The following AMMECR1 variants were observed in gnomAD, a reference collection of about 807,000 sequenced individuals.
AMMECR1 encodes the protein nuclear protein AMMECR1.
AMMECR1 carries 3 observed loss-of-function variants against 22.5 expected under a neutral mutation model. That is an observed-to-expected ratio of 0.13 (90% CI 0.06 to 0.35). The LOEUF is 0.35. Ranked by LOEUF, AMMECR1 falls within the 10% of genes least tolerant of loss-of-function variation. The pLI is 1.00. For synonymous variants in AMMECR1, 130 were observed against 116.7 expected, an observed-to-expected ratio of 1.11 and a Z score of -0.74; for missense variants, 235 against 278.7, an observed-to-expected ratio of 0.84 and a Z score of 1.12.
chrX:110,200,728 A>G (rs752582013), intron 5 of AMMECR1, among the ~76,000 whole-genome samples: 5 of 112,347 alleles, frequency 4.5e-5, no homozygotes, highest in Non-Finnish European at 9.4e-5. Flanking sequence ...CAAAAGCCAG[A>G]GTAATCACAC....
rs1043249584 is a variant in AMMECR1 at position 110,405,090 on chromosome X, C to T, written c.-148+21568G>A. Among the ~76,000 whole-genome samples the T allele has an allele frequency of 1.0e-4, 6 of 60,266 alleles. 1 individual carries two copies. In the African/African-American group the frequency reaches 1.0e-3, roughly 10 times the overall value. The allele number at this position is 60,266 out of a possible 115,157, so 52.3% of individuals were successfully genotyped here. A position where few individuals can be genotyped will look rare whatever the true frequency, so the allele number is the denominator to read the frequency against. On this transcript the variant is annotated intron_variant, in intron 2 of 7. Transcript: ENST00000372057. ...TATATTCAGGTGTGCTTGTTGTGTC[C>T]CCCCCCCCCCCAAGCATGAGTCAGA...
chrX:110,232,807 G>A (rs1467283465), intron 2 of AMMECR1, among the ~76,000 whole-genome samples: 22 of 102,580 alleles, frequency 2.1e-4, no homozygotes, highest in African/African-American at 6.5e-4. Context: ...GGAGAATGGC[G>A]TGAACCCGGG....
chrX:110,348,353 T>A (rs1326133204), intron 2 of AMMECR1, among the ~76,000 whole-genome samples: 1 of 112,506 alleles, frequency 8.9e-6, no homozygotes, highest in Non-Finnish European at 1.9e-5. Context: ...TTTTTCCTTC[T>A]GACCTATCTA....
At chrX:110,203,623 G>C (rs1444320705) in intron 3 of AMMECR1, among the ~76,000 whole-genome samples, 1 of 111,294 alleles carries the variant, frequency 9.0e-6, no homozygotes, top group African/African-American at 3.3e-5. Context: ...TGTAAGACCA[G>C]GTAAACATTA....
intron 2 of AMMECR1, among the ~76,000 whole-genome samples, chrX:110,224,357 C>G (rs898362302): frequency 1.8e-5 from 2 of 110,845 alleles, no homozygotes; most frequent in Non-Finnish European, 3.8e-5. Flanking sequence ...GAATAGATTA[C>G]TAAATAATAT....
intron 2 of AMMECR1, among the ~76,000 whole-genome samples, chrX:110,375,919 T>C (rs1165783466): frequency 9.0e-6 from 1 of 111,540 alleles, no homozygotes; most frequent in East Asian, 2.8e-4. Flanking sequence ...AGGGCTAATA[T>C]TGATGTCAGT....
intron 2 of AMMECR1, among the ~76,000 whole-genome samples, chrX:110,367,691 A>G (rs898610695): frequency 4.5e-5 from 5 of 111,105 alleles, no homozygotes; most frequent in African/African-American, 1.6e-4. Flanking sequence ...TGCTTCTCCC[A>G]CAGCCTTCTT....
intron 2 of AMMECR1, among the ~76,000 whole-genome samples, chrX:110,399,830 C>T (rs1182119735): frequency 2.7e-5 from 3 of 111,288 alleles, no homozygotes; most frequent in Non-Finnish European, 3.8e-5. Context: ...CTATGGAGTT[C>T]GAAGATAATT....
intron 4 of AMMECR1, 49 bp downstream of exon 4, chrX:110,202,397 T>C: frequency 1.0e-6 from 1 of 989,726 alleles, no homozygotes; most frequent in Non-Finnish European, 1.4e-6. Flanking sequence ...AGTTTGTATA[T>C]TTGTTTAAAT....
intron 1 of AMMECR1, among the ~76,000 whole-genome samples, chrX:110,310,077 G>A (rs182739661): frequency 8.9e-6 from 1 of 112,656 alleles, no homozygotes; most frequent in Non-Finnish European, 1.9e-5. Flanking sequence ...ACTTATCTGA[G>A]CCATTCAAAG....
At chrX:110,429,458 G>GTTTTTTTTTTTTTGTTTTT (rs2068779291) in intron 1 of AMMECR1, among the ~76,000 whole-genome samples, 3 of 80,931 alleles carry the variant, frequency 3.7e-5, no homozygotes, top group African/African-American at 1.3e-4. Context: ...GAGAAAAAGT[G>GTTTTTTTTTTTTTGTTTTT]TTTTTTTTTT....
At chrX:110,424,022 G>A (rs2068737295) in intron 2 of AMMECR1, among the ~76,000 whole-genome samples, 1 of 111,868 alleles carries the variant, frequency 8.9e-6, no homozygotes, top group Non-Finnish European at 1.9e-5. Flanking sequence ...GAGGTGTTGT[G>A]CTATGATATG....
chrX:110,383,386 A>G (rs1472680596), intron 2 of AMMECR1, among the ~76,000 whole-genome samples: 1 of 111,289 alleles, frequency 9.0e-6, no homozygotes, highest in Non-Finnish European at 1.9e-5. Flanking sequence ...CCTTTTTCCA[A>G]ATCAGGGGTA....
At chrX:110,361,990 A>G (rs1307768381) in intron 2 of AMMECR1, among the ~76,000 whole-genome samples, 1 of 111,709 alleles carries the variant, frequency 9.0e-6, no homozygotes, top group African/African-American at 3.3e-5. Flanking sequence ...TAGTGTACTG[A>G]CCCCTGCTAG....
upstream of AMMECR1, chrX:110,318,088 C>A (rs749417683): frequency 2.6e-6 from 3 of 1,168,997 alleles, no homozygotes; most frequent in Non-Finnish European, 3.4e-6. Flanking sequence ...ACAGTCTCCC[C>A]CACGCAGCGT....
chrX:110,407,380 A>G (rs779219300), intron 2 of AMMECR1, among the ~76,000 whole-genome samples: 11 of 112,250 alleles, frequency 9.8e-5, no homozygotes, highest in Admixed American at 1.9e-4. Flanking sequence ...GCCTTGGTCT[A>G]GAAGATACAG....
intron 2 of AMMECR1, among the ~76,000 whole-genome samples, chrX:110,333,653 A>G (rs2068130049): frequency 1.8e-5 from 2 of 111,917 alleles, no homozygotes; most frequent in Non-Finnish European, 3.8e-5. Context: ...ATAAAAAAGG[A>G]TGAGTTCATG....
At chrX:110,415,825 G>T (rs902692799) in intron 2 of AMMECR1, among the ~76,000 whole-genome samples, 1 of 111,242 alleles carries the variant, frequency 9.0e-6, no homozygotes, top group Admixed American at 9.5e-5. Context: ...AGTCAGGTTT[G>T]CTGAGTGGGG....
intron 2 of AMMECR1, among the ~76,000 whole-genome samples, chrX:110,369,935 C>T (rs183830978): frequency 9.0e-6 from 1 of 110,751 alleles, no homozygotes; most frequent in East Asian, 2.8e-4. Context: ...CACTTGTGTG[C>T]GTGTGTACAT....
Sources: allele counts gnomAD v4.1 joint callset (sites outside exome capture counted in the v4.1 genomes callset), GRCh38; gene constraint gnomAD v4.1.1; transcripts MANE v1.5; gene names NCBI Gene and HGNC (gene_info 2026-07-23, HGNC 2026-07-21).